Variants in GC observed in about 807,000 individuals in gnomAD.
The protein encoded by GC is GC vitamin D binding protein.
Under a neutral mutation model 56.7 loss-of-function variants are expected in GC, and 43 were observed. The observed-to-expected ratio is 0.76, with a 90% CI of 0.59 to 0.98. The LOEUF is 0.98. Among genes scored for constraint, GC ranks in the 50% least tolerant of loss-of-function variants. The probability of loss-of-function intolerance (pLI) is 0.00; values close to 1 mark genes in which losing one functional copy is unlikely to be tolerated. For missense variants in GC, 529 were observed against 545.9 expected, an observed-to-expected ratio of 0.97 and a Z score of 0.31; for synonymous variants, 216 against 202.7, an observed-to-expected ratio of 1.07 and a Z score of -0.56.
At chr4:71,796,048 A>C (rs1307938312) in intron 1 of GC, among the ~76,000 whole-genome samples, 2 of 152,084 alleles carry the variant, frequency 1.3e-5, no homozygotes, top group African/African-American at 4.8e-5. Flanking sequence ...ATGGTTTTCC[A>C]TTTGTGGGTA....
chr4:71,754,561 C>G, intron 9 of GC, 53 bp from the exon 10 acceptor site: 1 of 918,876 alleles, frequency 1.1e-6, no homozygotes, highest in Non-Finnish European at 1.7e-6. Context: ...AAACCTTGTC[C>G]CATCAAGCCA....
At chr4:71,774,784 A>G (rs1042596425) in intron 1 of GC, among the ~76,000 whole-genome samples, 7 of 151,952 alleles carry the variant, frequency 4.6e-5, no homozygotes, top group African/African-American at 7.2e-5. Context: ...ATTTTTATGC[A>G]TCATTTTAAG....
At chr4:71,758,690 A>C (rs1741868014) in intron 6 of GC, among the ~76,000 whole-genome samples, 1 of 152,200 alleles carries the variant, frequency 6.6e-6, no homozygotes, top group Admixed American at 6.5e-5. Flanking sequence ...TTCACTTAAT[A>C]TACCAGGAAT....
chr4:71,801,139 C>G (rs1197450615), intron 1 of GC, among the ~76,000 whole-genome samples: 1 of 152,002 alleles, frequency 6.6e-6, no homozygotes, highest in Non-Finnish European at 1.5e-5. Flanking sequence ...ATAAAAAAGA[C>G]AAATAATCCA....
At chr4:71,766,739 C>T (rs1742170783) in intron 3 of GC, among the ~76,000 whole-genome samples, 1 of 152,124 alleles carries the variant, frequency 6.6e-6, no homozygotes, top group South Asian at 2.1e-4. Context: ...GACTCTTTTT[C>T]ATCCTATCTC....
chr4:71,759,010 C>G (rs145256652), intron 6 of GC, among the ~76,000 whole-genome samples: 2 of 152,256 alleles, frequency 1.3e-5, no homozygotes, highest in African/African-American at 4.8e-5. Flanking sequence ...ACTTTAAATA[C>G]TTCGTATGAG....
At chr4:71,748,032 T>C (rs1741432159) in intron 11 of GC, among the ~76,000 whole-genome samples, 1 of 152,168 alleles carries the variant, frequency 6.6e-6, no homozygotes, top group African/African-American at 2.4e-5. Flanking sequence ...GACAAGGACA[T>C]TGAGGGAGAG....
chr4:71,803,705 T>C (rs535252808), intron 1 of GC, among the ~76,000 whole-genome samples: 3 of 152,348 alleles, frequency 2.0e-5, no homozygotes, highest in South Asian at 2.1e-4. Flanking sequence ...TTTGGAAATA[T>C]GAATGGATAT....
At chr4:71,742,866 C>T (rs1199618819) in intron 12 of GC, among the ~76,000 whole-genome samples, 2 of 152,104 alleles carry the variant, frequency 1.3e-5, no homozygotes, top group African/African-American at 4.8e-5. Context: ...CCCAGCTCCT[C>T]GGGTGGCTGA....
chr4:71,791,638 A>T (rs941923621), intron 1 of GC, among the ~76,000 whole-genome samples: 1 of 151,456 alleles, frequency 6.6e-6, no homozygotes, highest in Non-Finnish European at 1.5e-5. Context: ...TAGGTCTTGT[A>T]TGTATTTCAT....
chr4:71,783,940 T>C (rs1742764481), intron 1 of GC, 21 bp downstream of exon 1: 2 of 1,559,240 alleles, frequency 1.3e-6, no homozygotes, highest in Non-Finnish European at 1.7e-6. Context: ...CTGTAAATGG[T>C]CACAACAAAA....
chr4:71,768,519 A>G (rs1381139515), intron 2 of GC, 86 bp from the exon 3 acceptor site: 5 of 1,214,266 alleles, frequency 4.1e-6, no homozygotes, highest in Non-Finnish European at 5.8e-6. Flanking sequence ...CCCAGGCTGG[A>G]GTGCAGTGGT....
At chr4:71,748,287 A>G (rs568858698) in intron 11 of GC, among the ~76,000 whole-genome samples, 1 of 152,288 alleles carries the variant, frequency 6.6e-6, no homozygotes, top group South Asian at 2.1e-4. Context: ...GAGATAAAAC[A>G]AACTACAGTG....
chr4:71,792,467 A>C (rs1335158523), intron 1 of GC, among the ~76,000 whole-genome samples: 1 of 152,168 alleles, frequency 6.6e-6, no homozygotes, highest in Non-Finnish European at 1.5e-5. Flanking sequence ...TCTTTTAAGA[A>C]GTGTCTGTTC....
chr4:71,774,227 T>C (rs1289905904), intron 1 of GC, among the ~76,000 whole-genome samples: 6 of 152,008 alleles, frequency 3.9e-5, no homozygotes, highest in Non-Finnish European at 7.4e-5. Context: ...AAATTGAGCG[T>C]CCTTTCAGAC....
At chr4:71,774,608 C>T (rs975485803) in intron 1 of GC, among the ~76,000 whole-genome samples, 1 of 151,750 alleles carries the variant, frequency 6.6e-6, no homozygotes, top group Admixed American at 6.6e-5. Context: ...GATTCTACAG[C>T]AATATAAATA....
chr4:71,769,603 A>C (rs1742281643), intron 1 of GC: 1 of 512,464 alleles, frequency 2.0e-6, no homozygotes, highest in African/African-American at 1.9e-5. Context: ...GTTATATTTT[A>C]GTCACCAGCA....
At chr4:71,760,717 GT>G (rs927458607) in intron 6 of GC, among the ~76,000 whole-genome samples, 16 of 152,170 alleles carry the variant, frequency 1.1e-4, no homozygotes, top group African/African-American at 3.9e-4. Context: ...AATCATGGGG[GT>G]GGGTCTTTCC....
At chr4:71,786,845 A>AT (rs1489759247), upstream of GC, among the ~76,000 whole-genome samples, 2 of 151,838 alleles carry the variant, frequency 1.3e-5, no homozygotes, top group Non-Finnish European at 2.9e-5. Flanking sequence ...CTTCAGAATG[A>AT]TTTTGTCTGG....
Sources: allele counts gnomAD v4.1 joint callset (sites outside exome capture counted in the v4.1 genomes callset), GRCh38; gene constraint gnomAD v4.1.1; transcripts MANE v1.5; gene names NCBI Gene and HGNC (gene_info 2026-07-23, HGNC 2026-07-21).